Variants in LINGO2 observed in about 807,000 individuals in gnomAD.
LINGO2 encodes the protein leucine rich repeat and Ig domain containing 2, also known as leucine-rich repeat and immunoglobulin-like domain-containing nogo receptor-interacting protein 2.
LINGO2 carries 14 observed loss-of-function variants against 30.6 expected under a neutral mutation model. That is an observed-to-expected ratio of 0.46 (90% CI 0.30 to 0.72). The LOEUF is 0.72. Ranked by LOEUF, LINGO2 falls within the 30% of genes least tolerant of loss-of-function variation. The pLI is 0.07. For missense variants in LINGO2, 729 were observed against 751.7 expected (o/e 0.97, Z 0.35); for synonymous variants, 317 against 288.5 (o/e 1.10, Z -1.00).
rs933051303 is a variant in LINGO2 at position 28,503,229 on chromosome 9, A to G, written c.-364-27204T>C. 2.6e-5 allele frequency among the ~76,000 whole-genome samples: 4 copies of G among 152,090 alleles called. No homozygotes were observed. The East Asian group carries it at 7.7e-4, about 29-fold the overall frequency. Reference sequence around the variant, plus strand: ...AATTTAGTAACTCTTTAGAAAGCCAAACAATGAATACGAAAGTATATAAAT... The same window carrying G: ...AATTTAGTAACTCTTTAGAAAGCCAGACAATGAATACGAAAGTATATAAAT... On this transcript the variant is annotated intron_variant, in intron 1 of 5. Coordinates refer to ENST00000379992, the Ensembl canonical transcript of LINGO2.
At chr9:28,357,327 C>CCCAA (rs55802733) in intron 3 of LINGO2, among the ~76,000 whole-genome samples, 23 of 139,600 alleles carry the variant, frequency 1.6e-4, no homozygotes, top group African/African-American at 5.3e-4. Context: ...CCACCCCCCC[C>CCCAA]AAAAAAGAAA....
chr9:28,546,489 G>A (rs1821953492), intron 1 of LINGO2, among the ~76,000 whole-genome samples: 1 of 152,016 alleles, frequency 6.6e-6, no homozygotes, highest in African/African-American at 2.4e-5. Flanking sequence ...TAAACTCTCT[G>A]TGTAGTATTT....
At chr9:28,185,047 G>A (rs963723338) in intron 4 of LINGO2, among the ~76,000 whole-genome samples, 39 of 152,292 alleles carry the variant, frequency 2.6e-4, no homozygotes, top group African/African-American at 8.9e-4. Flanking sequence ...ATTGCTTTGA[G>A]AAATGCCAGA....
the LINGO2 span, among the ~76,000 whole-genome samples, chr9:29,194,252 C>A: frequency 6.6e-6 from 1 of 152,150 alleles, no homozygotes; most frequent in African/African-American, 2.4e-5. Context: ...TTTGGGGAAG[C>A]ACCCCCCGGA....
the LINGO2 span, among the ~76,000 whole-genome samples, chr9:28,793,432 G>A: frequency 1.3e-5 from 2 of 152,146 alleles, no homozygotes; most frequent in African/African-American, 2.4e-5. Flanking sequence ...CACACCCTCT[G>A]CCTTTTGCGG....
intron 1 of LINGO2, among the ~76,000 whole-genome samples, chr9:28,649,690 T>C (rs761085179): frequency 2.6e-5 from 4 of 151,860 alleles, no homozygotes; most frequent in African/African-American, 4.8e-5. Context: ...ACTGGACGGA[T>C]GTTGTGGGAA....
At chr9:27,987,909 T>A (rs1353774030) in intron 5 of LINGO2, among the ~76,000 whole-genome samples, 1 of 152,074 alleles carries the variant, frequency 6.6e-6, no homozygotes, top group Non-Finnish European at 1.5e-5. Flanking sequence ...AATGTGCAGG[T>A]TTGTTACATA....
the LINGO2 span, among the ~76,000 whole-genome samples, chr9:28,885,409 A>G: frequency 3.4e-5 from 1 of 29,514 alleles, no homozygotes; most frequent in African/African-American, 7.5e-5. Flanking sequence ...ACATATATAC[A>G]TAGATATATA....
chr9:28,639,712 G>A (rs1827477670), intron 1 of LINGO2, among the ~76,000 whole-genome samples: 1 of 152,118 alleles, frequency 6.6e-6, no homozygotes. Context: ...GCCTATGTGT[G>A]TCTCTGCATG....
chr9:28,701,058 C>A, the LINGO2 span, among the ~76,000 whole-genome samples: 1 of 151,566 alleles, frequency 6.6e-6, no homozygotes, highest in Non-Finnish European at 1.5e-5. Context: ...GGGTAAATGT[C>A]CTTTATCAGC....
intron 3 of LINGO2, among the ~76,000 whole-genome samples, chr9:28,304,912 T>C (rs1201497032): frequency 6.6e-6 from 1 of 152,016 alleles, no homozygotes; most frequent in Non-Finnish European, 1.5e-5. Context: ...AAGTTAGCAA[T>C]AAGATGTAAA....
rs541634717 is a variant in LINGO2, at chr9:28,403,100, T to C, written c.-278-30232A>G. ...GATAACTTTGATAATTAGTCAACTG[T>C]AGTGATGATAAAGGTGATAATGACT... On this transcript the variant is annotated intron_variant, in intron 2 of 5. Coordinates refer to ENST00000379992, the Ensembl canonical transcript of LINGO2. 2.0e-5 allele frequency among the ~76,000 whole-genome samples: 3 copies of C among 152,290 alleles called. No individual in the cohort carries two copies. In the East Asian group the frequency reaches 5.8e-4, roughly 29 times the overall value.
At chr9:28,436,311 T>G (rs190205245) in intron 2 of LINGO2, among the ~76,000 whole-genome samples, 158 of 152,250 alleles carry the variant, frequency 1.0e-3, no homozygotes, top group Non-Finnish European at 1.9e-3. Flanking sequence ...CTAATAGTTT[T>G]AACTATTGGC....
intron 5 of LINGO2, among the ~76,000 whole-genome samples, chr9:27,988,385 C>A (rs7022584): frequency 0.37 from 56,209 of 151,736 alleles, 10,427 homozygotes; most frequent in African/African-American, 0.4. Context: ...TGGCTGGGTC[C>A]AATGGTATTT....
chr9:28,451,952 G>T (rs1485607791), intron 2 of LINGO2, among the ~76,000 whole-genome samples: 1 of 151,380 alleles, frequency 6.6e-6, no homozygotes. Flanking sequence ...AAAGCTTCTT[G>T]ACCATTAAAA....
At chr9:29,166,651 T>G in the LINGO2 span, among the ~76,000 whole-genome samples, 1 of 152,138 alleles carries the variant, frequency 6.6e-6, no homozygotes, top group African/African-American at 2.4e-5. Context: ...TAGTTCTAAT[T>G]TATACTGCAA....
chr9:28,103,022 C>T (rs1296477170), intron 4 of LINGO2, among the ~76,000 whole-genome samples: 1 of 152,086 alleles, frequency 6.6e-6, no homozygotes, highest in Non-Finnish European at 1.5e-5. Flanking sequence ...CTTTGGTTTG[C>T]CTCACTACAT....
the LINGO2 span, among the ~76,000 whole-genome samples, chr9:28,743,584 A>G: frequency 6.6e-6 from 1 of 151,948 alleles, no homozygotes; most frequent in African/African-American, 2.4e-5. Context: ...TTCTTGGTTG[A>G]CAGTTTTTTT....
At chr9:28,955,810 A>C in the LINGO2 span, among the ~76,000 whole-genome samples, 1 of 152,040 alleles carries the variant, frequency 6.6e-6, no homozygotes, top group Middle Eastern at 3.4e-3. Flanking sequence ...ACCACTTTGG[A>C]TGTATGTATG....
Sources: allele counts gnomAD v4.1 joint callset (sites outside exome capture counted in the v4.1 genomes callset), GRCh38; gene constraint gnomAD v4.1.1; transcripts MANE v1.5; gene names NCBI Gene and HGNC (gene_info 2026-07-23, HGNC 2026-07-21).